The following FUT9 variants were observed in gnomAD, a reference collection of about 807,000 sequenced individuals.
The protein encoded by FUT9 is fucosyltransferase 9.
A neutral mutation model predicts 29.7 loss-of-function variants in FUT9; 15 were observed. That is an observed-to-expected ratio of 0.51 (90% confidence interval 0.34 to 0.78). The LOEUF (loss-of-function observed/expected upper bound fraction) is 0.78. FUT9 is among the 30% of genes least tolerant of loss of function. The pLI is 0.01. For missense variants in FUT9, 319 were observed against 425.4 expected (o/e 0.75, Z 2.20); for synonymous variants, 169 against 153.7 (o/e 1.10, Z -0.74).
At chr6:96,088,826 T>A (rs1410201646) in intron 1 of FUT9, among the ~76,000 whole-genome samples, 1 of 152,214 alleles carries the variant, frequency 6.6e-6, no homozygotes, top group East Asian at 1.9e-4. Flanking sequence ...CATGACTGGC[T>A]ATTTTTTAAA....
chr6:96,098,697 G>A (rs778543730), intron 1 of FUT9, among the ~76,000 whole-genome samples: 1 of 152,098 alleles, frequency 6.6e-6, no homozygotes, highest in Non-Finnish European at 1.5e-5. Flanking sequence ...ACCTCCTGCA[G>A]TTTTACAGTG....
chr6:96,056,644 C>T (rs1454893450), intron 1 of FUT9, among the ~76,000 whole-genome samples: 1 of 151,718 alleles, frequency 6.6e-6, no homozygotes, highest in African/African-American at 2.4e-5. Context: ...CAGGTACTTG[C>T]GAGGATGAAG....
intron 2 of FUT9, among the ~76,000 whole-genome samples, chr6:96,128,542 C>T (rs1242218334): frequency 2.0e-5 from 3 of 152,122 alleles, no homozygotes; most frequent in Non-Finnish European, 4.4e-5. Flanking sequence ...TTTTGGATAA[C>T]ATACTGGTAT....
At chr6:96,099,446 C>A (rs773591746) in intron 1 of FUT9, among the ~76,000 whole-genome samples, 4 of 151,962 alleles carry the variant, frequency 2.6e-5, no homozygotes, top group Non-Finnish European at 5.9e-5. Flanking sequence ...TTATATGTAA[C>A]CTTTTGTATT....
At chr6:96,187,867 C>T (rs1254040791) in intron 2 of FUT9, among the ~76,000 whole-genome samples, 1 of 152,076 alleles carries the variant, frequency 6.6e-6, no homozygotes, top group Admixed American at 6.6e-5. Flanking sequence ...TGAAAGCTGA[C>T]TCAACAAAGC....
chr6:96,092,352 T>G (rs761819207), intron 1 of FUT9, among the ~76,000 whole-genome samples: 3 of 152,038 alleles, frequency 2.0e-5, no homozygotes, highest in African/African-American at 4.8e-5. Flanking sequence ...TAAAGAAAAA[T>G]CTATATTATG....
At chr6:96,192,362 T>C (rs1408284680) in intron 2 of FUT9, among the ~76,000 whole-genome samples, 1 of 152,148 alleles carries the variant, frequency 6.6e-6, no homozygotes, top group African/African-American at 2.4e-5. Context: ...AGTCTCAGGA[T>C]ACAAAATCAA....
At chr6:96,177,113 CT>C (rs1212029199) in intron 2 of FUT9, among the ~76,000 whole-genome samples, 4 of 152,120 alleles carry the variant, frequency 2.6e-5, no homozygotes, top group Non-Finnish European at 5.9e-5. Context: ...TGTGATACTC[CT>C]CACTTAGATC....
intron 2 of FUT9, among the ~76,000 whole-genome samples, chr6:96,156,009 C>A (rs1242022784): frequency 1.3e-5 from 2 of 152,166 alleles, no homozygotes; most frequent in African/African-American, 2.4e-5. Flanking sequence ...CTTCTTCCAA[C>A]ATTTTAATTT....
chr6:96,183,707 A>G (rs1379031147), intron 2 of FUT9, among the ~76,000 whole-genome samples: 1 of 151,734 alleles, frequency 6.6e-6, no homozygotes, highest in Non-Finnish European at 1.5e-5. Flanking sequence ...TGATCATGTG[A>G]CTTTTGTTTT....
At chr6:96,190,824 G>C (rs1277772386) in intron 2 of FUT9, among the ~76,000 whole-genome samples, 1 of 152,006 alleles carries the variant, frequency 6.6e-6, no homozygotes, top group Non-Finnish European at 1.5e-5. Context: ...TTTTTTCAAG[G>C]CTTTTAGCTT....
intron 1 of FUT9, among the ~76,000 whole-genome samples, chr6:96,051,150 T>C (rs1448464923): frequency 6.6e-6 from 1 of 152,080 alleles, no homozygotes; most frequent in Non-Finnish European, 1.5e-5. Context: ...TGAAAAAAAA[T>C]GGCTAAACAT....
chr6:96,128,897 G>A (rs1012531203), intron 2 of FUT9, among the ~76,000 whole-genome samples: 1 of 151,994 alleles, frequency 6.6e-6, no homozygotes, highest in Non-Finnish European at 1.5e-5. Context: ...GGCTGAGTAG[G>A]AAGGATCTCT....
chr6:96,058,323 T>G (rs1031578456), intron 1 of FUT9, among the ~76,000 whole-genome samples: 1 of 152,052 alleles, frequency 6.6e-6, no homozygotes, highest in Non-Finnish European at 1.5e-5. Context: ...AGTTGAAATT[T>G]TTTTAAGCTT....
chr6:96,132,831 A>G (rs1409170496), intron 2 of FUT9, among the ~76,000 whole-genome samples: 1 of 152,146 alleles, frequency 6.6e-6, no homozygotes, highest in African/African-American at 2.4e-5. Context: ...CCCAAGCAAA[A>G]AAACTATTTG....
In FUT9 at chr6:96,145,717, G is replaced by A. The variant is rs548532298; in HGVS notation, c.-9+31590G>A. Among the ~76,000 whole-genome samples the A allele has an allele frequency of 2.2e-4, 33 of 152,288 alleles. No individual in the cohort carries two copies. The South Asian group carries it at 6.8e-3, about 32-fold the overall frequency. ...TCCAGACAGATGTGCAAAGGCCTGAGGCAGGCTGCGCACGGCTTGTTGGGG... is the reference window on the plus strand; with the variant it reads ...TCCAGACAGATGTGCAAAGGCCTGAAGCAGGCTGCGCACGGCTTGTTGGGG... On this transcript the variant is annotated intron_variant, in intron 2 of 2. Coordinates refer to ENST00000302103, the MANE Select transcript of FUT9 (RefSeq NM_006581.4).
intron 2 of FUT9, among the ~76,000 whole-genome samples, chr6:96,161,261 G>A (rs1386788714): frequency 6.6e-6 from 1 of 152,104 alleles, no homozygotes; most frequent in African/African-American, 2.4e-5. Context: ...GATGGGATAA[G>A]TGCCCTTATA....
At chr6:96,064,523 A>T (rs973083090) in intron 1 of FUT9, among the ~76,000 whole-genome samples, 5 of 152,102 alleles carry the variant, frequency 3.3e-5, no homozygotes, top group African/African-American at 1.2e-4. Flanking sequence ...TCTCATTCCC[A>T]TGGGAGAACT....
intron 2 of FUT9, among the ~76,000 whole-genome samples, chr6:96,158,944 T>C (rs1772843262): frequency 6.6e-6 from 1 of 152,180 alleles, no homozygotes; most frequent in African/African-American, 2.4e-5. Context: ...AATGTTCAGG[T>C]AAATGACATT....
Sources: gnomAD v4.1 joint callset for allele counts (sites outside exome capture counted in the v4.1 genomes callset) on GRCh38, gnomAD v4.1.1 for gene constraint, MANE v1.5 for transcripts, NCBI Gene and HGNC (gene_info 2026-07-23, HGNC 2026-07-21) for gene names.